The following CNOT3 variants were observed in gnomAD, a reference collection of about 807,000 sequenced individuals.
CNOT3 encodes the protein CCR4-associated factor 3.
In CNOT3, 2 loss-of-function variants were observed where a neutral mutation model predicts 89.4. The observed-to-expected ratio is 0.02, with a 90% CI of 0.01 to 0.07. CNOT3 has a LOEUF of 0.07. CNOT3 is among the 10% of genes least tolerant of loss of function. CNOT3 has a pLI of 1.00. For synonymous variants in CNOT3, 486 were observed against 402.0 expected (o/e 1.21, Z -2.50); for missense variants, 664 against 1,010.2 (o/e 0.66, Z 4.65).
In CNOT3 at chr19:54,152,281, C is replaced by G. The variant is rs750762154; in HGVS notation, c.1661C>G (p.Ser554Cys). Residue 554 changes from serine to cysteine, a missense_variant, in exon 14 of 18, where the codon TCT becomes TGT. Transcript: ENST00000221232. ...KSMAERAAISSGIEDPVPTLH... is the reference protein window; with the variant it reads ...KSMAERAAISCGIEDPVPTLH... ...ATGGCGGAACGGGCAGCCATCAGCT[C>G]TGGCATTGAGGACCCTGTGCCAACG... 1.9e-6 allele frequency: 3 copies of G among 1,614,088 alleles called. No homozygotes were observed. The Admixed American group carries it at 5.0e-5, about 27-fold the overall frequency.
At chr19:54,153,591 T>C (rs2075262645) in intron 16 of CNOT3, 124 bp from the exon 17 acceptor site, 2 of 799,216 alleles carry the variant, frequency 2.5e-6, no homozygotes, top group South Asian at 2.7e-5. Context: ...CCAAGAGGAT[T>C]GTCCAGCCCA....
chr19:54,138,255 C>CCCGCCCG (rs1410219416), intron 1 of CNOT3, among the ~76,000 whole-genome samples: 14 of 152,080 alleles, frequency 9.2e-5, no homozygotes, highest in African/African-American at 2.7e-4. Context: ...GACCCCGGGC[C>CCCGCCCG]CCGCCCGCCG....
At chr19:54,155,278 C>T (rs766696642) in intron 17 of CNOT3, 31 bp from the exon 18 acceptor site, 1 of 1,610,946 alleles carries the variant, frequency 6.2e-7, no homozygotes, top group Admixed American at 1.7e-5. Flanking sequence ...ACCTCCTCGT[C>T]CACTCACTGA....
chr19:54,142,549 G>A (rs2074495992), intron 1 of CNOT3: 1 of 310,662 alleles, frequency 3.2e-6, no homozygotes, highest in South Asian at 3.4e-5. Context: ...AGTAGGAAGT[G>A]TGATCTCCAG....
rs1453127675 is a variant in CNOT3 at position 54,148,379 on chromosome 19, G to A, written c.1126G>A (p.Ala376Thr). Residue 376 changes from alanine (A) to threonine (T), a missense_variant, in exon 11 of 18, where the codon GCC (alanine) becomes ACC (threonine). Transcript: ENST00000221232. The surrounding 1 kb of genome is among the most constrained non-coding windows in gnomAD (Gnocchi z 6.3). The part of the protein sequence containing the change: ...GTPAPYAQAV[A>T]PPAPSGPSTT... ...CCCTGCTCCCTATGCCCAGGCTGTG[G>A]CCCCACCAGCTCCCAGTGGGCCCAG... 5 of 1,565,478 alleles carry A rather than the reference G, an allele frequency of 3.2e-6. No homozygotes were observed. Among genetic ancestry groups the A allele is most frequent in the Admixed American group, 1.8e-5 (1 of 54,846 alleles).
chr19:54,138,906 G>C (rs1165193406), intron 1 of CNOT3, among the ~76,000 whole-genome samples: 1 of 152,200 alleles, frequency 6.6e-6, no homozygotes, highest in Non-Finnish European at 1.5e-5. Context: ...TTTGATCCTG[G>C]CGTCTGCCCC....
In CNOT3 at chr19:54,148,901, A is replaced by G. The variant is rs772992819; in HGVS notation, c.1406+158A>G. Among the ~76,000 whole-genome samples the G allele has an allele frequency of 6.6e-6, 1 of 152,124 alleles. No individual in the cohort carries two copies. Among genetic ancestry groups the G allele is most frequent in the Non-Finnish European group, 1.5e-5 (1 of 68,028 alleles). Reference sequence around the variant, plus strand: ...CATCTCCCTCGGGTGTTACACCCCCACTTCTTTCCAGCAAGGAAACTACAT... The same window carrying G: ...CATCTCCCTCGGGTGTTACACCCCCGCTTCTTTCCAGCAAGGAAACTACAT... On this transcript the variant is annotated intron_variant, in intron 12 of 17. Transcript: ENST00000221232. This position sits in a 1 kb window ranked among gnomAD's most constrained non-coding sequence, Gnocchi z 6.3.
intron 13 of CNOT3, among the ~76,000 whole-genome samples, chr19:54,150,286 T>C (rs776309144): frequency 6.6e-6 from 1 of 151,954 alleles, no homozygotes; most frequent in Non-Finnish European, 1.5e-5. Flanking sequence ...ATGTTTAAGC[T>C]GAGACCTGGA....
At chr19:54,149,267 G>A (rs1181602663) in intron 12 of CNOT3, among the ~76,000 whole-genome samples, 1 of 152,144 alleles carries the variant, frequency 6.6e-6, no homozygotes, top group Non-Finnish European at 1.5e-5. Flanking sequence ...TGGGCCCTGT[G>A]AACACCTGCC....
chr19:54,139,502 C>T (rs1235808592), intron 1 of CNOT3, among the ~76,000 whole-genome samples: 4 of 152,080 alleles, frequency 2.6e-5, no homozygotes, highest in Non-Finnish European at 5.9e-5. Flanking sequence ...GGGGCTGTGC[C>T]TTCTCTCCAG....
intron 13 of CNOT3, 129 bp from the exon 14 acceptor site, chr19:54,152,097 T>G (rs1271749397): frequency 1.2e-6 from 1 of 819,906 alleles, no homozygotes; most frequent in Non-Finnish European, 2.0e-6. Flanking sequence ...ATGGGTAGAT[T>G]GTGGGGAGTG....
chr19:54,153,753 G>A lies in CNOT3; in HGVS notation c.2076G>A (p.Lys692=). ...AGTATCTGGCAGCCAAGGCCCTAAA[G>A]AAGCAGTCATGGCGATTCCACACCA... ...KAQYLAAKAL[K]KQSWRFHTKY... is the part of the protein sequence containing the mutation. The change falls in exon 17 of 18, where the codon AAG becomes AAA. Residue 692 remains lysine, a synonymous_variant. Coordinates refer to ENST00000221232, the MANE Select transcript of CNOT3 (RefSeq NM_014516.4). 6.2e-7 allele frequency: 1 copy of A among 1,614,108 alleles called. No individual in the cohort carries two copies. Among genetic ancestry groups the A allele is most frequent in the Non-Finnish European group, 8.5e-7 (1 of 1,179,954 alleles).
At chr19:54,155,043 C>T in intron 17 of CNOT3, 1 of 540,322 alleles carries the variant, frequency 1.9e-6, no homozygotes, top group South Asian at 2.2e-5. Flanking sequence ...TGTGCACTCA[C>T]ACCTGGGGCT....
chr19:54,151,473 GCGGGAGGATAGCTTGAGC>G (rs1461480198), intron 13 of CNOT3, among the ~76,000 whole-genome samples: 1 of 152,170 alleles, frequency 6.6e-6, no homozygotes, highest in Non-Finnish European at 1.5e-5. Context: ...GGAGGCAGAG[GCGGGAGGATAGCTTGAGC>G]CCAGGAGTTT....
At position 54,148,893 on chromosome 19, in the gene CNOT3, AC is replaced by A; in HGVS notation, c.1406+151del. ...CTATCCTCCATCTCCCTCGGGTGTT[AC>A]ACCCCCACTTCTTTCCAGCAAGGAA... On this transcript the variant is annotated intron_variant, in intron 12 of 17. Transcript: ENST00000221232. This position sits in a 1 kb window ranked among gnomAD's most constrained non-coding sequence, Gnocchi z 6.3. 1.5e-6 allele frequency: 1 copy of A among 662,068 alleles called. No individual in the cohort carries two copies. The highest frequency in any genetic ancestry group is 2.5e-6 in the Non-Finnish European group (1 of 393,474). 41.0% of individuals were successfully genotyped at this position (662,068 alleles called of 1,614,324 possible). A position where few individuals can be genotyped will look rare whatever the true frequency, so the allele number is the denominator to read the frequency against.
intron 1 of CNOT3, among the ~76,000 whole-genome samples, chr19:54,139,388 G>C (rs774800412): frequency 2.0e-5 from 3 of 152,096 alleles, no homozygotes; most frequent in Non-Finnish European, 2.9e-5. Flanking sequence ...TCAGCAGTTG[G>C]AGAACAAGGG....
At position 54,148,275 on chromosome 19, in the gene CNOT3, A is replaced by C; in HGVS notation, c.1022A>C (p.Asn341Thr). 6.2e-7 allele frequency: 1 copy of C among 1,607,928 alleles called. No homozygotes were observed. The highest frequency in any genetic ancestry group is 8.5e-7 in the Non-Finnish European group (1 of 1,176,972). Reference sequence around the variant, plus strand: ...GCCTTGAGCACCACTCCTGGCAACAATGGGGTCCCCGCCCCCGCAGCACCC... The same window carrying C: ...GCCTTGAGCACCACTCCTGGCAACACTGGGGTCCCCGCCCCCGCAGCACCC... Reference protein sequence around the residue: ...ASALSTTPGNNGVPAPAAPPS... With the variant: ...ASALSTTPGNTGVPAPAAPPS... The change falls in exon 11 of 18, where the codon AAT (asparagine) becomes ACT (threonine). Residue 341 changes from asparagine to threonine, a missense_variant. By Grantham distance (65) the Asn-to-Thr change is moderately conservative (BLOSUM62 0). Around this residue, in one of 8 missense-constraint regions of CNOT3, gnomAD observed 545 missense variants for 566.2 expected, o/e 0.96. Transcript: ENST00000221232. This position sits in a 1 kb window ranked among gnomAD's most constrained non-coding sequence, Gnocchi z 6.3.
rs773292484 is a variant in CNOT3 at position 54,148,430 on chromosome 19, G to A, written c.1177G>A (p.Val393Ile). The stretch of plus-strand genomic sequence containing the variant: ...CACGACCCAGCCCCGGCCCCCCAGC[G>A]TCCAGCCTAGCGGAGGCGGAGGCGG... ...PSTTQPRPPS[V>I]QPSGGGGGGS... The change falls in exon 11 of 18, where the codon GTC becomes ATC. Residue 393 changes from valine to isoleucine, a missense_variant. By Grantham distance (29) the Val-to-Ile change is conservative. Around this residue, in one of 8 missense-constraint regions of CNOT3, gnomAD observed 545 missense variants for 566.2 expected, o/e 0.96. Coordinates refer to ENST00000221232, the MANE Select transcript of CNOT3 (RefSeq NM_014516.4). The surrounding 1 kb of genome is among the most constrained non-coding windows in gnomAD (Gnocchi z 6.3). 11 of 1,565,300 alleles carry A rather than the reference G, an allele frequency of 7.0e-6. No individual in the cohort carries two copies. The highest frequency in any genetic ancestry group is 1.4e-5 in the African/African-American group (1 of 73,856).
At chr19:54,154,011 CCT>C (rs1394371906) in intron 17 of CNOT3, 171 bp downstream of exon 17, 7 of 828,046 alleles carry the variant, frequency 8.5e-6, no homozygotes, top group Non-Finnish European at 6.2e-6. Context: ...GGAACACCGC[CCT>C]CTCATCCTCC....
Sources: allele counts gnomAD v4.1 joint callset (sites outside exome capture counted in the v4.1 genomes callset), GRCh38; gene constraint gnomAD v4.1.1; regional missense constraint gnomAD v4.1.1; non-coding constraint Gnocchi (gnomAD v3.1); transcripts MANE v1.5; gene names NCBI Gene and HGNC (gene_info 2026-07-23, HGNC 2026-07-21).